RALGPS1: variants seen among roughly 807,000 people sequenced by gnomAD.
The protein encoded by RALGPS1 is Ral GEF with PH domain and SH3 binding motif 1.
A neutral mutation model predicts 78.8 loss-of-function variants in RALGPS1; 19 were observed. The ratio of observed to expected loss-of-function variants is 0.24; its 90% CI spans 0.17 to 0.35. The LOEUF is 0.35. RALGPS1 is among the 10% of genes least tolerant of loss of function. The pLI, the probability that RALGPS1 is intolerant of heterozygous loss-of-function variation, is 1.00. For synonymous variants in RALGPS1, 228 were observed against 256.3 expected (o/e 0.89, Z 1.06); for missense variants, 454 against 688.3 (o/e 0.66, Z 3.81).
intron 4 of RALGPS1, among the ~76,000 whole-genome samples, chr9:126,996,036 G>A (rs987263027): frequency 6.6e-6 from 1 of 152,162 alleles, no homozygotes; most frequent in African/African-American, 2.4e-5. Flanking sequence ...AAAGCAGTGT[G>A]TAGAGGGAAA....
intron 8 of RALGPS1, chr9:127,088,768 G>C: frequency 1.4e-6 from 1 of 723,320 alleles, no homozygotes; most frequent in South Asian, 1.8e-5. Flanking sequence ...AGAAAACACC[G>C]TATCGATTCA....
intron 4 of RALGPS1, among the ~76,000 whole-genome samples, chr9:126,979,786 T>C (rs1248655973): frequency 6.6e-6 from 1 of 152,208 alleles, no homozygotes; most frequent in East Asian, 1.9e-4. Flanking sequence ...TGTTTTGTTT[T>C]CAAGACTGTA....
At chr9:127,096,135 T>C (rs759630473) in intron 8 of RALGPS1, among the ~76,000 whole-genome samples, 1 of 152,204 alleles carries the variant, frequency 6.6e-6, no homozygotes, top group African/African-American at 2.4e-5. Context: ...CCAGTGCCAC[T>C]TCCTGCCTTT....
chr9:127,160,435 G>T (rs773052895), intron 8 of RALGPS1, among the ~76,000 whole-genome samples: 1 of 152,206 alleles, frequency 6.6e-6, no homozygotes, highest in Non-Finnish European at 1.5e-5. Context: ...TGGCCCTGGG[G>T]GTTTGCCTCA....
rs370956782 is a variant in RALGPS1, at chr9:127,181,670, TG to T, written c.910+6892del. Among the ~76,000 whole-genome samples, 1,124 of 152,268 alleles carry T rather than the reference TG, an allele frequency of 7.4e-3. 13 individuals are homozygous for T. Among genetic ancestry groups the T allele is most frequent in the African/African-American group, 0.026 (1,071 of 41,554 alleles). Reference sequence around the variant, plus strand: ...TCTAATCTCCTTGTTACAACCTAGTTGGGGTGCTTCAGGCCTGGCTGCTTGT... The same window carrying T: ...TCTAATCTCCTTGTTACAACCTAGTTGGGTGCTTCAGGCCTGGCTGCTTGT... On this transcript the variant is annotated intron_variant, in intron 11 of 18. Coordinates refer to ENST00000259351, the MANE Select transcript of RALGPS1 (RefSeq NM_014636.3).
intron 4 of RALGPS1, among the ~76,000 whole-genome samples, chr9:126,991,698 C>T (rs755341341): frequency 3.9e-5 from 6 of 152,148 alleles, no homozygotes; most frequent in African/African-American, 7.2e-5. Flanking sequence ...CAAGTTCCCT[C>T]ATCTTTCTGT....
intron 4 of RALGPS1, among the ~76,000 whole-genome samples, chr9:126,994,811 A>G (rs1163024071): frequency 1.3e-5 from 2 of 152,178 alleles, no homozygotes; most frequent in African/African-American, 2.4e-5. Context: ...AGGGAAGCCC[A>G]TCAGACTAAC....
intron 14 of RALGPS1, among the ~76,000 whole-genome samples, chr9:127,207,201 A>G (rs2061981960): frequency 6.6e-6 from 1 of 152,022 alleles, no homozygotes; most frequent in Admixed American, 6.6e-5. Context: ...TCCCATCATT[A>G]TCATCATCCC....
At chr9:126,959,064 CTTTT>C (rs35067123) in intron 1 of RALGPS1, among the ~76,000 whole-genome samples, 2 of 136,318 alleles carry the variant, frequency 1.5e-5, no homozygotes, top group African/African-American at 2.7e-5. Flanking sequence ...TCTTCTTCTT[CTTTT>C]TTTTTTTTTT....
intron 8 of RALGPS1, among the ~76,000 whole-genome samples, chr9:127,151,138 C>T (rs905344737): frequency 6.6e-6 from 1 of 151,540 alleles, no homozygotes; most frequent in South Asian, 2.1e-4. Flanking sequence ...GAGCAGAGAT[C>T]GCACCACTGT....
chr9:127,091,663 T>C lies in RALGPS1; in HGVS notation c.610+22307T>C, dbSNP rs778519705. On this transcript the variant is annotated intron_variant, in intron 8 of 18. Transcript: ENST00000259351. This position sits in a 1 kb window ranked among gnomAD's most constrained non-coding sequence, Gnocchi z 4.3. ...CCTGCACCTGGGTTTGACTCCACTTTTCCTACCTGTGTAGACATCATGATC... is the reference window on the plus strand; with the variant it reads ...CCTGCACCTGGGTTTGACTCCACTTCTCCTACCTGTGTAGACATCATGATC... 1 of 1,610,992 alleles carries C rather than the reference T, an allele frequency of 6.2e-7. No individual in the cohort carries two copies. The highest frequency in any genetic ancestry group is 2.2e-5 in the East Asian group (1 of 44,794).
At chr9:127,050,492 A>G (rs1438538432) in intron 6 of RALGPS1, among the ~76,000 whole-genome samples, 2 of 152,138 alleles carry the variant, frequency 1.3e-5, no homozygotes, top group Non-Finnish European at 2.9e-5. Flanking sequence ...CTGGGGGTTG[A>G]TGGATTTTAG....
intron 5 of RALGPS1, among the ~76,000 whole-genome samples, chr9:127,037,798 G>T (rs2046983766): frequency 6.6e-6 from 1 of 152,218 alleles, no homozygotes. Flanking sequence ...GGCTCAGATT[G>T]CCCTGGCTTG....
rs990809257 is a variant in RALGPS1 at position 127,166,343 on chromosome 9, G to C, written c.748+137G>C. On this transcript the variant is annotated intron_variant, in intron 9 of 18. Transcript: ENST00000259351. The stretch of plus-strand genomic sequence containing the variant: ...TATATCGAGCATCAAACATGTACTA[G>C]ATCCTTTTATACATAGGTTTGATCT... The C allele has an allele frequency of 3.9e-6, 4 of 1,031,728 alleles. No individual in the cohort carries two copies. The African/African-American group carries it at 6.5e-5, about 17-fold the overall frequency. The allele number at this position is 1,031,728 out of a possible 1,614,324, so 63.9% of individuals were successfully genotyped here.
At chr9:127,092,269 G>A (rs73591293) in intron 8 of RALGPS1, among the ~76,000 whole-genome samples, 2,474 of 152,266 alleles carry the variant, frequency 0.016, 76 homozygotes, top group African/African-American at 0.056. Flanking sequence ...AAGTAGGCAC[G>A]CAGCAGGCAT....
intron 1 of RALGPS1, among the ~76,000 whole-genome samples, chr9:126,921,669 G>A (rs1425884893): frequency 6.6e-6 from 1 of 152,202 alleles, no homozygotes; most frequent in Non-Finnish European, 1.5e-5. Context: ...GTGGGTTTGT[G>A]TCCTGACACC....
chr9:127,167,370 G>T (rs545365047), intron 9 of RALGPS1, among the ~76,000 whole-genome samples: 2 of 152,344 alleles, frequency 1.3e-5, no homozygotes, highest in Non-Finnish European at 2.9e-5. Context: ...GCCATCTCCA[G>T]CACAAATACA....
chr9:126,943,650 C>A (rs999338218), intron 1 of RALGPS1, among the ~76,000 whole-genome samples: 3 of 152,164 alleles, frequency 2.0e-5, no homozygotes, highest in African/African-American at 4.8e-5. Flanking sequence ...GCCTTAGAAA[C>A]TGGGTGCAGG....
At chr9:127,116,211 A>C (rs140062341) in intron 8 of RALGPS1, among the ~76,000 whole-genome samples, 1 of 152,180 alleles carries the variant, frequency 6.6e-6, no homozygotes, top group East Asian at 1.9e-4. Flanking sequence ...TGGGGGTTCG[A>C]ATCTGCCTGA....
Sources: allele counts gnomAD v4.1 joint callset (sites outside exome capture counted in the v4.1 genomes callset), GRCh38; gene constraint gnomAD v4.1.1; non-coding constraint Gnocchi (gnomAD v3.1); transcripts MANE v1.5; gene names NCBI Gene and HGNC (gene_info 2026-07-23, HGNC 2026-07-21).